The following ZMAT4 variants were observed in gnomAD, a reference collection of about 807,000 sequenced individuals.
The protein encoded by ZMAT4 is zinc finger matrin-type protein 4.
In ZMAT4, 17 loss-of-function variants were observed where a neutral mutation model predicts 28.7. The observed-to-expected ratio is 0.59, with a 90% CI of 0.41 to 0.89. The LOEUF (loss-of-function observed/expected upper bound fraction) is 0.89. ZMAT4 is among the 40% of genes least tolerant of loss of function. The pLI, the probability that ZMAT4 is intolerant of heterozygous loss-of-function variation, is 0.00. For missense variants in ZMAT4, 240 were observed against 283.8 expected, an observed-to-expected ratio of 0.85 and a Z score of 1.11; for synonymous variants, 117 against 109.2, an observed-to-expected ratio of 1.07 and a Z score of -0.44.
intron 5 of ZMAT4, among the ~76,000 whole-genome samples, chr8:40,593,222 A>G (rs933696955): frequency 6.6e-6 from 1 of 152,214 alleles, no homozygotes; most frequent in African/African-American, 2.4e-5. Context: ...CATTTTTTCT[A>G]GAACACAATT....
chr8:40,688,249 A>G (rs1451426531), intron 4 of ZMAT4, among the ~76,000 whole-genome samples: 1 of 152,130 alleles, frequency 6.6e-6, no homozygotes, highest in African/African-American at 2.4e-5. Flanking sequence ...CAAGGTCAGG[A>G]GTTCAAGACC....
intron 3 of ZMAT4, among the ~76,000 whole-genome samples, chr8:40,749,474 T>C (rs550972871): frequency 1.3e-5 from 2 of 152,350 alleles, no homozygotes; most frequent in Admixed American, 1.3e-4. Context: ...ACCTCTCTTT[T>C]ACATGATGCT....
intron 5 of ZMAT4, among the ~76,000 whole-genome samples, chr8:40,639,078 T>C (rs185755741): frequency 2.0e-4 from 30 of 152,360 alleles, no homozygotes; most frequent in African/African-American, 6.5e-4. Context: ...GCCAGGTGTC[T>C]GACTCTGCTG....
At chr8:40,603,935 C>A (rs1021558178) in intron 5 of ZMAT4, among the ~76,000 whole-genome samples, 1 of 152,090 alleles carries the variant, frequency 6.6e-6, no homozygotes, top group Non-Finnish European at 1.5e-5. Flanking sequence ...CTTTCATCTC[C>A]TTGATTAGGT....
At chr8:40,595,427 T>C (rs916834970) in intron 5 of ZMAT4, among the ~76,000 whole-genome samples, 3 of 152,184 alleles carry the variant, frequency 2.0e-5, no homozygotes, top group African/African-American at 7.2e-5. Flanking sequence ...ATGATAGGGA[T>C]ATGTTCTGAG....
rs139407432 is a variant in ZMAT4 at position 40,670,464 on chromosome 8, T to C, written c.577+4240A>G. The stretch of plus-strand genomic sequence containing the variant: ...AAGAAAACATACAAGAATATCTTGG[T>C]ACAGGCAAAGATTTTTTTAGGTAAG... On this transcript the variant is annotated intron_variant, in intron 5 of 6. Transcript: ENST00000297737. 5.2e-3 allele frequency among the ~76,000 whole-genome samples: 789 copies of C among 152,310 alleles called. 6 individuals carry two copies. The highest frequency in any genetic ancestry group is 0.018 in the African/African-American group (748 of 41,576).
At chr8:40,733,190 C>T (rs926502451) in intron 3 of ZMAT4, among the ~76,000 whole-genome samples, 1 of 151,928 alleles carries the variant, frequency 6.6e-6, no homozygotes, top group African/African-American at 2.4e-5. Flanking sequence ...AGCTGACATC[C>T]TTTTTTAAGA....
At chr8:40,692,995 T>G (rs1425439927) in intron 4 of ZMAT4, among the ~76,000 whole-genome samples, 1 of 152,182 alleles carries the variant, frequency 6.6e-6, no homozygotes, top group Admixed American at 6.6e-5. Context: ...CTCAAATTTA[T>G]GTCCCCCTAG....
chr8:40,731,175 G>T (rs180733080), intron 3 of ZMAT4, among the ~76,000 whole-genome samples: 1 of 146,684 alleles, frequency 6.8e-6, no homozygotes, highest in East Asian at 1.9e-4. Context: ...ACTTCCCCTG[G>T]TTGGAGGGCG....
chr8:40,697,297 G>T lies in ZMAT4; in HGVS notation c.297C>A (p.His99Gln). Residue 99 changes from histidine (H) to glutamine (Q), a missense_variant, in exon 4 of 7, where the codon CAC (histidine) becomes CAA (glutamine). Coordinates refer to ENST00000297737, the MANE Select transcript of ZMAT4 (RefSeq NM_024645.3). ...VADSHYQGKIHAKRLKLLLGE... is the reference protein window; with the variant it reads ...VADSHYQGKIQAKRLKLLLGE... ...CTAGCAAGAGTTTTAACCTCTTGGC[G>T]TGGATTTTGCCTTGATAATGGGAAT... 6.2e-7 allele frequency: 1 copy of T among 1,613,742 alleles called. No homozygotes were observed. The highest frequency in any genetic ancestry group is 1.7e-5 in the Admixed American group (1 of 59,968).
Position 40,532,182 on chromosome 8 carries a change from A to G in ZMAT4, c.*41T>C. ...GATAAGCAATTCTCCACGGCAGAGA[A>G]ATGCTAATGTTTTGTTCTTATGTCT... On this transcript the variant is annotated 3_prime_UTR_variant, in exon 7 of 7. Coordinates refer to ENST00000297737, the MANE Select transcript of ZMAT4 (RefSeq NM_024645.3). 1 of 1,558,310 alleles carries G rather than the reference A, an allele frequency of 6.4e-7. No individual in the cohort carries two copies. Among genetic ancestry groups the G allele is most frequent in the South Asian group, 1.2e-5 (1 of 80,844 alleles).
At chr8:40,601,469 G>GAAGA (rs1805318267) in intron 5 of ZMAT4, among the ~76,000 whole-genome samples, 1 of 6,948 alleles carries the variant, frequency 1.4e-4, no homozygotes, top group Non-Finnish European at 3.9e-4. Context: ...AGGAAGAAAG[G>GAAGA]AAAGAAAGAA....
At chr8:40,808,660 T>A in intron 2 of ZMAT4, 1 of 377,996 alleles carries the variant, frequency 2.6e-6, no homozygotes, top group Non-Finnish European at 5.3e-6. Flanking sequence ...ACATCTTCAC[T>A]CAGGGGAGGT....
chr8:40,849,157 A>G (rs1388513420), intron 1 of ZMAT4, among the ~76,000 whole-genome samples: 1 of 152,228 alleles, frequency 6.6e-6, no homozygotes, highest in African/African-American at 2.4e-5. Context: ...CTGCAAATCT[A>G]GGAACAAAGC....
chr8:40,573,562 C>T (rs895203083), intron 6 of ZMAT4, among the ~76,000 whole-genome samples: 15 of 152,160 alleles, frequency 9.9e-5, no homozygotes, highest in African/African-American at 3.6e-4. Flanking sequence ...TAACTGATAA[C>T]ATCTGCAAAG....
rs1269806621 is a variant in ZMAT4, at chr8:40,650,101, C to A, written c.577+24603G>T. Among the ~76,000 whole-genome samples, 145 of 151,944 alleles carry A rather than the reference C, an allele frequency of 9.5e-4. 1 individual carries two copies. The highest frequency in any genetic ancestry group is 1.0e-4 in the Non-Finnish European group (7 of 67,994). ...AGAGCAGAACTGAAGGAAATAGAGA[C>A]ACAAAAAACCCTTCAAAAAGTTAAT... On this transcript the variant is annotated intron_variant, in intron 5 of 6. Coordinates refer to ENST00000297737, the MANE Select transcript of ZMAT4 (RefSeq NM_024645.3).
chr8:40,668,272 C>A (rs927497948), intron 5 of ZMAT4, among the ~76,000 whole-genome samples: 3 of 151,880 alleles, frequency 2.0e-5, no homozygotes, highest in Non-Finnish European at 2.9e-5. Context: ...AGGATTGGAA[C>A]CAGCCTGGCC....
intron 1 of ZMAT4, among the ~76,000 whole-genome samples, chr8:40,830,129 G>A (rs183164222): frequency 2.6e-4 from 40 of 152,270 alleles, no homozygotes; most frequent in African/African-American, 9.6e-4. Flanking sequence ...TTGAAGGAAT[G>A]AATGCAGGCT....
chr8:40,733,065 G>C (rs1454111883), intron 3 of ZMAT4, among the ~76,000 whole-genome samples: 1 of 151,844 alleles, frequency 6.6e-6, no homozygotes, highest in Non-Finnish European at 1.5e-5. Context: ...GGCTGGTCTT[G>C]AAATCCTGGC....
Sources: gnomAD v4.1 joint callset for allele counts (sites outside exome capture counted in the v4.1 genomes callset) on GRCh38, gnomAD v4.1.1 for gene constraint, MANE v1.5 for transcripts, NCBI Gene and HGNC (gene_info 2026-07-23, HGNC 2026-07-21) for gene names.